Variants in PRKACB observed in about 807,000 individuals in gnomAD.
PRKACB encodes the protein cAMP-dependent protein kinase catalytic subunit beta.
PRKACB carries 16 observed loss-of-function variants against 51.4 expected under a neutral mutation model. That is an observed-to-expected ratio of 0.31 (90% CI 0.21 to 0.47). The LOEUF (loss-of-function observed/expected upper bound fraction) is 0.47, where lower values mean the gene tolerates loss of function less well. Ranked by LOEUF, PRKACB falls within the 20% of genes least tolerant of loss-of-function variation. PRKACB has a pLI of 1.00. For synonymous variants in PRKACB, 147 were observed against 154.4 expected (o/e 0.95, Z 0.35); for missense variants, 309 against 464.5 (o/e 0.67, Z 3.08).
intron 1 of PRKACB, among the ~76,000 whole-genome samples, chr1:84,135,014 TTGTC>T (rs1261613660): frequency 3.3e-5 from 5 of 152,316 alleles, no homozygotes; most frequent in African/African-American, 1.2e-4. Context: ...AAGCTATGCA[TTGTC>T]TGTAAGAAAC....
chr1:84,233,303 C>T (rs1042794616), intron 9 of PRKACB, among the ~76,000 whole-genome samples: 2 of 151,716 alleles, frequency 1.3e-5, no homozygotes, highest in African/African-American at 4.9e-5. Context: ...TGATGGGCTT[C>T]CCTTTGAGGG....
chr1:84,205,262 C>T (rs990955500), intron 8 of PRKACB: 28 of 984,044 alleles, frequency 2.8e-5, no homozygotes, highest in Non-Finnish European at 3.1e-5. Flanking sequence ...ATTGTATTAA[C>T]CATTTCCCAA....
chr1:84,135,380 G>C (rs1278618474), intron 1 of PRKACB, among the ~76,000 whole-genome samples: 3 of 152,158 alleles, frequency 2.0e-5, no homozygotes, highest in African/African-American at 7.2e-5. Context: ...TAAGCAGGCA[G>C]AAAATCAGTG....
At chr1:84,139,834 G>A (rs574084069), upstream of PRKACB, among the ~76,000 whole-genome samples, 14 of 152,302 alleles carry the variant, frequency 9.2e-5, no homozygotes, top group Admixed American at 2.0e-4. Flanking sequence ...TGAGGTGGGC[G>A]GATCACGAGG....
intron 9 of PRKACB, among the ~76,000 whole-genome samples, chr1:84,221,698 G>A (rs570413251): frequency 6.6e-6 from 1 of 151,960 alleles, no homozygotes; most frequent in East Asian, 1.9e-4. Context: ...AGTCATTCGG[G>A]AGCATATTGT....
chr1:84,171,789 T>C (rs1394821904), intron 1 of PRKACB, among the ~76,000 whole-genome samples: 2 of 151,576 alleles, frequency 1.3e-5, no homozygotes, highest in East Asian at 3.9e-4. Context: ...AATCTACCAA[T>C]GTGATTTCAG....
At chr1:84,170,329 G>A (rs1311570276) in intron 1 of PRKACB, among the ~76,000 whole-genome samples, 1 of 151,642 alleles carries the variant, frequency 6.6e-6, no homozygotes, top group East Asian at 1.9e-4. Context: ...CCTCTCCACT[G>A]ACAAAAGGAG....
At chr1:84,104,868 A>G (rs1649610540) in intron 1 of PRKACB, among the ~76,000 whole-genome samples, 1 of 152,108 alleles carries the variant, frequency 6.6e-6, no homozygotes, top group African/African-American at 2.4e-5. Flanking sequence ...TTTCCATGGA[A>G]TAGAAGTTTA....
intron 6 of PRKACB, 148 bp from the exon 7 acceptor site, chr1:84,197,581 C>A (rs1668560795): frequency 3.8e-6 from 2 of 529,220 alleles, no homozygotes; most frequent in Non-Finnish European, 6.5e-6. Flanking sequence ...ACTAGATATT[C>A]ATGAATGAAT....
chr1:84,211,479 A>T (rs971584485), intron 8 of PRKACB, among the ~76,000 whole-genome samples: 6 of 152,208 alleles, frequency 3.9e-5, no homozygotes, highest in Non-Finnish European at 7.3e-5. Context: ...TTTAAAGTAG[A>T]CAGTGTGCCT....
At chr1:84,161,145 C>T (rs1028080406) in intron 1 of PRKACB, among the ~76,000 whole-genome samples, 1 of 151,710 alleles carries the variant, frequency 6.6e-6, no homozygotes, top group Non-Finnish European at 1.5e-5. Flanking sequence ...TGTGGGGGCT[C>T]TTCTGTTCAA....
chr1:84,197,559 A>G (rs1222032534), intron 6 of PRKACB, among the ~76,000 whole-genome samples, 170 bp from the exon 7 acceptor site: 1 of 152,056 alleles, frequency 6.6e-6, no homozygotes, highest in Non-Finnish European at 1.5e-5. Flanking sequence ...TGGATTGTTT[A>G]AACTTTCATT....
At chr1:84,172,387 A>G (rs779510292) in intron 1 of PRKACB, among the ~76,000 whole-genome samples, 8 of 151,758 alleles carry the variant, frequency 5.3e-5, no homozygotes, top group Non-Finnish European at 8.9e-5. Flanking sequence ...TGCCTGGGTC[A>G]TTAGTTTTAT....
intron 9 of PRKACB, among the ~76,000 whole-genome samples, chr1:84,221,534 A>G (rs183116931): frequency 5.3e-5 from 8 of 151,602 alleles, no homozygotes; most frequent in African/African-American, 1.9e-4. Context: ...TTATTAGGTT[A>G]TTTGAAATCT....
At chr1:84,150,430 T>G (rs984602599) in intron 1 of PRKACB, among the ~76,000 whole-genome samples, 10 of 152,076 alleles carry the variant, frequency 6.6e-5, no homozygotes, top group African/African-American at 1.7e-4. Context: ...GTAAGAACAT[T>G]ATATGTTTGT....
chr1:84,162,994 A>T (rs1656423132), intron 1 of PRKACB, among the ~76,000 whole-genome samples: 2 of 151,926 alleles, frequency 1.3e-5, no homozygotes, highest in Non-Finnish European at 2.9e-5. Flanking sequence ...ATCCCTCATG[A>T]TATGTGACTA....
chr1:84,147,638 T>C (rs1654282734), intron 1 of PRKACB, among the ~76,000 whole-genome samples: 2 of 152,116 alleles, frequency 1.3e-5, no homozygotes, highest in Middle Eastern at 3.4e-3. Context: ...TGCTTTAAAA[T>C]GTCTAAGCTT....
chr1:84,196,571 A>G, intron 5 of PRKACB, 45 bp from the exon 6 acceptor site: 1 of 1,591,624 alleles, frequency 6.3e-7, no homozygotes, highest in East Asian at 2.3e-5. Flanking sequence ...ATTAGAATGT[A>G]TTAACTCATT....
chr1:84,225,626 G>T (rs1337633755), intron 9 of PRKACB, among the ~76,000 whole-genome samples: 1 of 152,104 alleles, frequency 6.6e-6, no homozygotes, highest in Non-Finnish European at 1.5e-5. Context: ...CTGGGGGTGG[G>T]TGTGGGACCT....
Sources: allele counts gnomAD v4.1 joint callset (sites outside exome capture counted in the v4.1 genomes callset), GRCh38; gene constraint gnomAD v4.1.1; transcripts MANE v1.5; gene names NCBI Gene and HGNC (gene_info 2026-07-23, HGNC 2026-07-21).